TRPM8: variants seen among roughly 807,000 people sequenced by gnomAD.
The protein encoded by TRPM8 is transient receptor potential cation channel subfamily M member 8.
Under a neutral mutation model 133.7 loss-of-function variants are expected in TRPM8, and 110 were observed. The observed-to-expected ratio is 0.82, with a 90% CI of 0.70 to 0.96. The LOEUF is 0.96. TRPM8 is among the 40% of genes least tolerant of loss of function. The pLI, the probability that TRPM8 is intolerant of heterozygous loss-of-function variation, is 0.00. For missense variants in TRPM8, 1,291 were observed against 1,379.5 expected, an observed-to-expected ratio of 0.94 and a Z score of 1.02; for synonymous variants, 535 against 532.3, an observed-to-expected ratio of 1.01 and a Z score of -0.07.
In TRPM8 at chr2:233,939,075, C is replaced by A; in HGVS notation, c.426C>A (p.Pro142=). The stretch of plus-strand genomic sequence containing the variant: ...CCCAGCACTGGCACCTGAAAACACC[C>A]AACCTGGTCATTTCTGTGACCGGGG... The part of the protein sequence containing the change: ...LLTQHWHLKT[P]NLVISVTGGA... The change falls in exon 5 of 26, where the codon CCC becomes CCA. Residue 142 remains proline (P), a synonymous_variant. Coordinates refer to ENST00000324695, the MANE Select transcript of TRPM8 (RefSeq NM_024080.5). 1 of 1,614,244 alleles carries A rather than the reference C, an allele frequency of 6.2e-7. No individual in the cohort carries two copies.
chr2:233,922,570 A>C (rs965793625), intron 1 of TRPM8, among the ~76,000 whole-genome samples: 1 of 152,120 alleles, frequency 6.6e-6, no homozygotes. Flanking sequence ...ATCTCTACTT[A>C]TTATTTATAT....
chr2:234,004,843 T>C (rs953516627), intron 22 of TRPM8, among the ~76,000 whole-genome samples: 3 of 152,198 alleles, frequency 2.0e-5, no homozygotes, highest in Non-Finnish European at 4.4e-5. Flanking sequence ...TGGATTGCTC[T>C]ACACACACAC....
intron 14 of TRPM8, 149 bp downstream of exon 14, chr2:233,964,906 AT>A: frequency 1.3e-6 from 1 of 754,186 alleles, no homozygotes. Flanking sequence ...CAAGGTCTGG[AT>A]GCGACAATCT....
chr2:233,945,968 C>T lies in TRPM8; in HGVS notation c.812C>T (p.Pro271Leu). Reference protein sequence around the residue: ...LLVDNGCHGHPTVEAKLRNQL... With the variant: ...LLVDNGCHGHLTVEAKLRNQL... Reference sequence around the variant, plus strand: ...GTGGACAATGGCTGTCATGGACATCCCACTGTCGAAGCAAAGCTCCGGAAT... The same window carrying T: ...GTGGACAATGGCTGTCATGGACATCTCACTGTCGAAGCAAAGCTCCGGAAT... The change falls in exon 7 of 26, where the codon CCC becomes CTC. Residue 271 changes from proline (P) to leucine (L), a missense_variant. Around this residue, in one of 2 missense-constraint regions of TRPM8, gnomAD observed 963 missense variants for 968.9 expected, o/e 0.99. Transcript: ENST00000324695. The T allele has an allele frequency of 6.2e-7, 1 of 1,614,088 alleles. No homozygotes were observed.
At chr2:233,969,485 C>T (rs937889168) in intron 15 of TRPM8, among the ~76,000 whole-genome samples, 1 of 151,624 alleles carries the variant, frequency 6.6e-6, no homozygotes. Context: ...GAAACTCCGT[C>T]TCAAGAAAAA....
intron 22 of TRPM8, among the ~76,000 whole-genome samples, chr2:234,006,042 G>A (rs896845470): frequency 1.3e-5 from 2 of 151,730 alleles, no homozygotes; most frequent in South Asian, 2.1e-4. Flanking sequence ...TAAATCCAGA[G>A]AAATCTTATA....
chr2:233,943,038 T>A, intron 6 of TRPM8: 1 of 462,618 alleles, frequency 2.2e-6, no homozygotes, highest in Non-Finnish European at 3.8e-6. Context: ...TACATCCATC[T>A]CAGGCGGGCT....
intron 21 of TRPM8, among the ~76,000 whole-genome samples, chr2:233,987,502 C>A (rs190522627): frequency 2.4e-3 from 358 of 152,284 alleles, no homozygotes; most frequent in African/African-American, 8.5e-3. Flanking sequence ...GTGGCCTCCC[C>A]CTGAGCAGGG....
intron 25 of TRPM8, among the ~76,000 whole-genome samples, chr2:234,016,157 G>C (rs1163938208): frequency 6.6e-6 from 1 of 151,944 alleles, no homozygotes; most frequent in Non-Finnish European, 1.5e-5. Flanking sequence ...AGTAACTGAT[G>C]AATGAAAAGG....
chr2:233,968,046 C>T (rs1691618690), intron 15 of TRPM8: 1 of 152,118 alleles, frequency 6.6e-6, no homozygotes, highest in Non-Finnish European at 1.5e-5. Context: ...TTTCTATAGT[C>T]AGGGTGCTGT....
Position 233,928,570 on chromosome 2 carries a change from T to C in TRPM8, c.117+1916T>C, listed in dbSNP as rs576154022. 3.9e-5 allele frequency among the ~76,000 whole-genome samples: 6 copies of C among 152,196 alleles called. No individual in the cohort carries two copies. The South Asian group carries it at 1.2e-3, about 31-fold the overall frequency. On this transcript the variant is annotated intron_variant, in intron 2 of 25. Coordinates refer to ENST00000324695, the MANE Select transcript of TRPM8 (RefSeq NM_024080.5). ...AGCTGTTTTCTTCCTGCCTGTTAAG[T>C]AGACTTGAAATTAGTTAAGTGGATG... is the stretch of plus-strand genomic sequence containing the variant.
intron 2 of TRPM8, among the ~76,000 whole-genome samples, chr2:233,927,778 CTT>C (rs1278196220): frequency 4.3e-5 from 2 of 46,218 alleles, no homozygotes; most frequent in Non-Finnish European, 6.6e-5. Flanking sequence ...TTCTTTCTTT[CTT>C]TCTTTCTTTC....
Position 233,957,329 on chromosome 2 carries a change from CA to C in TRPM8, c.1362+2089del, listed in dbSNP as rs35644215. Among the ~76,000 whole-genome samples, 48 of 149,394 alleles carry C rather than the reference CA, an allele frequency of 3.2e-4. No individual in the cohort carries two copies. The East Asian group carries it at 3.4e-3, about 10-fold the overall frequency. On this transcript the variant is annotated intron_variant, in intron 11 of 25. Coordinates refer to ENST00000324695, the MANE Select transcript of TRPM8 (RefSeq NM_024080.5). ...GGCAAAACCCCACCTCTGCCCCCCCCAAAAAAAAAATTAGCTGGGCATGGTG... is the reference window on the plus strand; with the variant it reads ...GGCAAAACCCCACCTCTGCCCCCCCCAAAAAAAAATTAGCTGGGCATGGTG...
chr2:233,997,252 C>T (rs570962877), intron 22 of TRPM8, among the ~76,000 whole-genome samples: 35 of 152,052 alleles, frequency 2.3e-4, no homozygotes, highest in South Asian at 4.2e-4. Flanking sequence ...CCAGCCTGGG[C>T]GACAGAGTGA....
At chr2:233,927,712 TTCTTTC>T (rs1408457360) in intron 2 of TRPM8, among the ~76,000 whole-genome samples, 1 of 13,716 alleles carries the variant, frequency 7.3e-5, no homozygotes. Flanking sequence ...GTCTGTCTCT[TTCTTTC>T]TTTCTTTCTT....
At chr2:233,957,328 C>CAA (rs200399380) in intron 11 of TRPM8, among the ~76,000 whole-genome samples, 4 of 146,438 alleles carry the variant, frequency 2.7e-5, no homozygotes, top group African/African-American at 1.1e-4. Context: ...TCTGCCCCCC[C>CAA]CAAAAAAAAA....
intron 7 of TRPM8, 183 bp downstream of exon 7, chr2:233,946,213 T>TACATACCACATTGACCCTGG: frequency 1.6e-6 from 1 of 609,676 alleles, no homozygotes; most frequent in South Asian, 2.1e-5. Flanking sequence ...TCTGCCAGGG[T>TACATACCACATTGACCCTGG]CAATGTGGTA....
intron 13 of TRPM8, among the ~76,000 whole-genome samples, 187 bp from the exon 14 acceptor site, chr2:233,964,441 A>G (rs1691509520): frequency 1.3e-5 from 2 of 150,370 alleles, no homozygotes; most frequent in East Asian, 3.9e-4. Flanking sequence ...AATCCCAACT[A>G]CTCGGGAGGC....
At position 233,983,079 on chromosome 2, in the gene TRPM8, C is replaced by A. The variant is rs746508989; in HGVS notation, c.2616C>A (p.Phe872Leu). The A allele has an allele frequency of 6.2e-7, 1 of 1,613,926 alleles. No homozygotes were observed. The highest frequency in any genetic ancestry group is 1.7e-5 in the Admixed American group (1 of 60,020). The stretch of plus-strand genomic sequence containing the variant: ...TGATCGATGTGTTCTTCTTCCTGTT[C>A]CTCTTTGCGGTGTGGATGGTGGCCT... ...RMLIDVFFFL[F>L]LFAVWMVAFG... The change falls in exon 20 of 26, where the codon TTC (phenylalanine) becomes TTA (leucine). Residue 872 changes from phenylalanine to leucine, a missense_variant. Around this residue, in one of 2 missense-constraint regions of TRPM8, gnomAD observed 328 missense variants for 410.6 expected, o/e 0.80. Coordinates refer to ENST00000324695, the MANE Select transcript of TRPM8 (RefSeq NM_024080.5).
Sources: gnomAD v4.1 joint callset for allele counts (sites outside exome capture counted in the v4.1 genomes callset) on GRCh38, gnomAD v4.1.1 for gene constraint, gnomAD v4.1.1 regional missense constraint, MANE v1.5 for transcripts, NCBI Gene and HGNC (gene_info 2026-07-23, HGNC 2026-07-21) for gene names.